GABRA6: variants seen among roughly 807,000 people sequenced by gnomAD.
GABRA6 encodes the protein gamma-aminobutyric acid receptor subunit alpha-6.
In GABRA6, 45 loss-of-function variants were observed where a neutral mutation model predicts 47.3. The observed-to-expected ratio is 0.95, with a 90% CI of 0.75 to 1.22. The LOEUF (loss-of-function observed/expected upper bound fraction) is 1.22, where lower values mean the gene tolerates loss of function less well. GABRA6 is among the 50% of genes most tolerant of loss of function. The pLI, the probability that GABRA6 is intolerant of heterozygous loss-of-function variation, is 0.00. For synonymous variants in GABRA6, 219 were observed against 194.7 expected (o/e 1.12, Z -1.04); for missense variants, 583 against 549.3 (o/e 1.06, Z -0.61).
At chr5:161,690,458 A>G in intron 7 of GABRA6, 105 bp downstream of exon 7, 1 of 1,133,152 alleles carries the variant, frequency 8.8e-7, no homozygotes, top group Non-Finnish European at 1.3e-6. Flanking sequence ...ATCCACAAAG[A>G]AAATAGGTTC....
At chr5:161,689,549 C>A in intron 5 of GABRA6, 87 bp from the exon 6 acceptor site, 1 of 1,250,752 alleles carries the variant, frequency 8.0e-7, no homozygotes, top group Non-Finnish European at 1.1e-6. Context: ...GTTTGTATTT[C>A]CTTTTTTATA....
intron 8 of GABRA6, among the ~76,000 whole-genome samples, chr5:161,698,557 T>C (rs1264069630): frequency 6.7e-6 from 1 of 149,964 alleles, no homozygotes; most frequent in African/African-American, 2.5e-5. Flanking sequence ...TATATACACA[T>C]ATATATGTTT....
intron 8 of GABRA6, among the ~76,000 whole-genome samples, chr5:161,699,940 G>A (rs1018380230): frequency 6.6e-6 from 1 of 152,046 alleles, no homozygotes; most frequent in Non-Finnish European, 1.5e-5. Flanking sequence ...ATTCACTGTG[G>A]TTTTTTCAAA....
rs764040523 is a variant in GABRA6, at chr5:161,692,162, T to C, written c.1048T>C (p.Ser350Pro). The C allele has an allele frequency of 6.2e-7, 1 of 1,614,192 alleles. No homozygotes were observed. The highest frequency in any genetic ancestry group is 8.5e-7 in the Non-Finnish European group (1 of 1,180,026). The change falls in exon 8 of 9, where the codon TCA becomes CCA. Residue 350 changes from serine (S) to proline (P), a missense_variant. Transcript: ENST00000274545. ...QFAAPPTVTISKATEPLEAEI... is the reference protein window; with the variant it reads ...QFAAPPTVTIPKATEPLEAEI... ...TGCAGCCCCACCCACAGTGACAATA[T>C]CAAAAGCTACTGAACCTTTGGAAGC...
chr5:161,689,887 T>C, intron 6 of GABRA6, 108 bp downstream of exon 6: 2 of 1,252,814 alleles, frequency 1.6e-6, no homozygotes, highest in South Asian at 2.5e-5. Flanking sequence ...CAGCTAAGCA[T>C]GCTGTTTTGC....
At chr5:161,692,877 A>G (rs901443665) in intron 8 of GABRA6, among the ~76,000 whole-genome samples, 1 of 152,222 alleles carries the variant, frequency 6.6e-6, no homozygotes, top group African/African-American at 2.4e-5. Flanking sequence ...AAATGGTAAC[A>G]TTAATATTTC....
At chr5:161,701,099 G>T (rs1754972088) in intron 8 of GABRA6, among the ~76,000 whole-genome samples, 1 of 152,120 alleles carries the variant, frequency 6.6e-6, no homozygotes, top group Non-Finnish European at 1.5e-5. Flanking sequence ...TTCCAAATTG[G>T]AATTCACCCC....
chr5:161,695,346 A>G (rs1365638488), intron 8 of GABRA6, among the ~76,000 whole-genome samples: 3 of 152,210 alleles, frequency 2.0e-5, no homozygotes, highest in South Asian at 2.1e-4. Flanking sequence ...GACATATGGA[A>G]TTGGATATTT....
intron 8 of GABRA6, among the ~76,000 whole-genome samples, chr5:161,698,249 C>T (rs1412394152): frequency 1.3e-5 from 2 of 152,098 alleles, no homozygotes; most frequent in Middle Eastern, 3.4e-3. Context: ...TAAGCCACAA[C>T]AAAAATAATT....
At chr5:161,688,836 G>A (rs1254814567) in intron 3 of GABRA6, 113 bp from the exon 4 acceptor site, 9 of 827,078 alleles carry the variant, frequency 1.1e-5, no homozygotes, top group East Asian at 7.6e-5. Flanking sequence ...AAATTATTGC[G>A]ATAAAAAGTT....
At chr5:161,696,483 G>C (rs1754888634) in intron 8 of GABRA6, among the ~76,000 whole-genome samples, 1 of 151,624 alleles carries the variant, frequency 6.6e-6, no homozygotes, top group Non-Finnish European at 1.5e-5. Flanking sequence ...GTGCCAGAAA[G>C]ATCACAGTGC....
chr5:161,694,442 G>A (rs1754853671), intron 8 of GABRA6, among the ~76,000 whole-genome samples: 1 of 151,974 alleles, frequency 6.6e-6, no homozygotes, highest in Non-Finnish European at 1.5e-5. Context: ...CTGAGAAGAG[G>A]ATGATTTCAA....
At chr5:161,697,604 A>G (rs1015274379) in intron 8 of GABRA6, among the ~76,000 whole-genome samples, 1 of 152,072 alleles carries the variant, frequency 6.6e-6, no homozygotes, top group Non-Finnish European at 1.5e-5. Flanking sequence ...TGGAGATACA[A>G]CTTGAGGTGG....
chr5:161,691,623 T>C (rs932683012), intron 7 of GABRA6, among the ~76,000 whole-genome samples: 3 of 151,932 alleles, frequency 2.0e-5, no homozygotes, highest in Non-Finnish European at 4.4e-5. Context: ...TCTTAAGTGG[T>C]AATAATTTGT....
In GABRA6 at chr5:161,689,661, A is replaced by C; in HGVS notation, c.555A>C (p.Ile185=). 1 of 1,609,464 alleles carries C rather than the reference A, an allele frequency of 6.2e-7. No individual in the cohort carries two copies. Among genetic ancestry groups the C allele is most frequent in the East Asian group, 2.2e-5 (1 of 44,788 alleles). ...ATGCTTATCCCAAAAGTGAAATCAT[A>C]TATACGTGGAAAAAAGGACCACTTT... The part of the protein sequence containing the change: ...GSYAYPKSEI[I]YTWKKGPLYS... Residue 185 remains isoleucine (I), a synonymous_variant, in exon 6 of 9, where the codon ATA becomes ATC. Transcript: ENST00000274545.
In GABRA6 at chr5:161,692,720, C is replaced by A. The variant is rs893504457; in HGVS notation, c.1086+520C>A. On this transcript the variant is annotated intron_variant, in intron 8 of 8. Coordinates refer to ENST00000274545, the MANE Select transcript of GABRA6 (RefSeq NM_000811.3). ...CCCAATAATTTGATTCATATTAAAA[C>A]ATTTTCATATTCACATTTGTATATT... Among the ~76,000 whole-genome samples the A allele has an allele frequency of 2.0e-5, 3 of 152,078 alleles. No individual in the cohort carries two copies. In the East Asian group the frequency reaches 5.8e-4, roughly 29 times the overall value.
Position 161,685,846 on chromosome 5 carries a change from T to C in GABRA6, c.-144T>C, listed in dbSNP as rs2113063534. The C allele has an allele frequency of 1.3e-6, 1 of 743,198 alleles. No homozygotes were observed. 46.0% of individuals were successfully genotyped at this position (743,198 alleles called of 1,614,324 possible). A position where few individuals can be genotyped will look rare whatever the true frequency, so the allele number is the denominator to read the frequency against. ...TGCAAATTTTTAGGCAACCTCTTTA[T>C]CTATTGGATTACTGACTTGAGGCAA... On this transcript the variant is annotated 5_prime_UTR_variant, in exon 1 of 9. Transcript: ENST00000274545.
intron 2 of GABRA6, among the ~76,000 whole-genome samples, chr5:161,686,600 G>C (rs1754705918): frequency 6.6e-6 from 1 of 152,124 alleles, no homozygotes; most frequent in Non-Finnish European, 1.5e-5. Context: ...TCATAGAGTG[G>C]TATGAGTGCA....
intron 8 of GABRA6, among the ~76,000 whole-genome samples, chr5:161,696,169 A>G (rs758971860): frequency 5.9e-5 from 9 of 152,024 alleles, no homozygotes; most frequent in Non-Finnish European, 1.2e-4. Flanking sequence ...TGTGCTAGAA[A>G]CTCTAAACCA....
Sources: gnomAD v4.1 joint callset for allele counts (sites outside exome capture counted in the v4.1 genomes callset) on GRCh38, gnomAD v4.1.1 for gene constraint, MANE v1.5 for transcripts, NCBI Gene and HGNC (gene_info 2026-07-23, HGNC 2026-07-21) for gene names.